Variants in DIS3L2 observed in about 807,000 individuals in gnomAD.
The protein encoded by DIS3L2 is DIS3 like 3'-5' exoribonuclease 2, also known as DIS3-like exonuclease 2.
DIS3L2 carries 34 observed loss-of-function variants against 97.5 expected under a neutral mutation model. That is an observed-to-expected ratio of 0.35 (90% CI 0.27 to 0.46). DIS3L2 has a LOEUF of 0.46. Among genes scored for constraint, DIS3L2 ranks in the 20% least tolerant of loss-of-function variants. The pLI is 1.00. For synonymous variants in DIS3L2, 435 were observed against 445.2 expected (o/e 0.98, Z 0.29); for missense variants, 1,038 against 1,146.0 (o/e 0.91, Z 1.36).
chr2:232,225,477 A>C (rs1053948249), intron 10 of DIS3L2, among the ~76,000 whole-genome samples: 7 of 152,252 alleles, frequency 4.6e-5, no homozygotes, highest in African/African-American at 1.7e-4. Flanking sequence ...AAATAGATAT[A>C]TACCATATGA....
intron 2 of DIS3L2, among the ~76,000 whole-genome samples, chr2:232,015,276 C>T (rs544673505): frequency 6.6e-6 from 1 of 152,306 alleles, no homozygotes; most frequent in South Asian, 2.1e-4. Context: ...ACTCATTATT[C>T]AGATTATGTT....
intron 10 of DIS3L2, among the ~76,000 whole-genome samples, chr2:232,228,139 T>C (rs1692696189): frequency 6.6e-6 from 1 of 152,152 alleles, no homozygotes; most frequent in Non-Finnish European, 1.5e-5. Flanking sequence ...GCTAATTTTG[T>C]GTTTTTAGTA....
At chr2:232,342,140 T>C (rs1242413669), downstream of DIS3L2, among the ~76,000 whole-genome samples, 1 of 152,030 alleles carries the variant, frequency 6.6e-6, no homozygotes, top group Non-Finnish European at 1.5e-5. Context: ...TATACACATA[T>C]ACATATATAC....
intron 12 of DIS3L2, among the ~76,000 whole-genome samples, chr2:232,254,687 G>T (rs925708557): frequency 7.9e-5 from 12 of 152,134 alleles, no homozygotes; most frequent in African/African-American, 2.9e-4. Flanking sequence ...TAAAATATGA[G>T]GGTCATAAAA....
chr2:232,313,785 G>T (rs946566848), intron 14 of DIS3L2, among the ~76,000 whole-genome samples: 1 of 152,190 alleles, frequency 6.6e-6, no homozygotes, highest in African/African-American at 2.4e-5. Flanking sequence ...GTTCCACCTG[G>T]CTGGGGAGTC....
downstream of DIS3L2, among the ~76,000 whole-genome samples, chr2:232,339,204 T>G (rs1419965177): frequency 6.6e-6 from 1 of 151,356 alleles, no homozygotes. Context: ...GAACTGGAAT[T>G]ACACAGCCTG....
At chr2:231,977,896 T>A (rs1044456427) in intron 1 of DIS3L2, among the ~76,000 whole-genome samples, 1 of 152,230 alleles carries the variant, frequency 6.6e-6, no homozygotes, top group Admixed American at 6.5e-5. Flanking sequence ...TGAGTTCTGG[T>A]CTGAAGTGAT....
downstream of DIS3L2, among the ~76,000 whole-genome samples, chr2:232,337,395 G>A (rs1343587593): frequency 2.6e-5 from 4 of 152,122 alleles, no homozygotes; most frequent in Admixed American, 1.3e-4. Context: ...TGGGTGCCCC[G>A]GCAGCACCAA....
intron 9 of DIS3L2, among the ~76,000 whole-genome samples, chr2:232,208,009 G>C (rs866475140): frequency 3.3e-5 from 5 of 151,958 alleles, no homozygotes; most frequent in African/African-American, 1.2e-4. Flanking sequence ...TCTAGCACCC[G>C]TCGATCAACC....
rs1241477676 is a variant in DIS3L2 at position 232,085,940 on chromosome 2, A to G, written c.367-1547A>G. 2.0e-5 allele frequency among the ~76,000 whole-genome samples: 3 copies of G among 152,076 alleles called. No homozygotes were observed. The East Asian group carries it at 5.8e-4, about 29-fold the overall frequency. ...TCCCACTTCAGCCTCCCAAGTAGCTAGGACTACAGGCGCCCTGCCCCCCAA... is the reference window on the plus strand; with the variant it reads ...TCCCACTTCAGCCTCCCAAGTAGCTGGGACTACAGGCGCCCTGCCCCCCAA... On this transcript the variant is annotated intron_variant, in intron 5 of 20. Coordinates refer to ENST00000325385, the MANE Select transcript of DIS3L2 (RefSeq NM_152383.5).
intron 1 of DIS3L2, among the ~76,000 whole-genome samples, chr2:232,008,950 C>A (rs751891800): frequency 7.9e-5 from 12 of 152,074 alleles, no homozygotes; most frequent in Non-Finnish European, 1.3e-4. Flanking sequence ...ATTCATCTAC[C>A]TTCAAATTTA....
At chr2:232,050,040 T>C (rs1574837582) in intron 5 of DIS3L2, among the ~76,000 whole-genome samples, 1 of 152,200 alleles carries the variant, frequency 6.6e-6, no homozygotes, top group East Asian at 1.9e-4. Flanking sequence ...TTTTCTACCC[T>C]AGCTTTCTAC....
At chr2:232,107,568 G>A (rs576135346) in intron 6 of DIS3L2, among the ~76,000 whole-genome samples, 1 of 152,044 alleles carries the variant, frequency 6.6e-6, no homozygotes, top group Non-Finnish European at 1.5e-5. Flanking sequence ...GCATGGTGGT[G>A]CATGCCTGTA....
intron 10 of DIS3L2, among the ~76,000 whole-genome samples, chr2:232,220,305 T>G (rs1692460008): frequency 6.6e-6 from 1 of 151,832 alleles, no homozygotes; most frequent in South Asian, 2.1e-4. Context: ...TGAGGCTGTC[T>G]CTAACAACAC....
chr2:232,309,979 G>A (rs761695306), intron 14 of DIS3L2, among the ~76,000 whole-genome samples: 5 of 152,216 alleles, frequency 3.3e-5, no homozygotes, highest in Non-Finnish European at 7.3e-5. Context: ...TCCTGAATAA[G>A]CAGAGGAAAT....
At chr2:232,030,533 G>T (rs1205037229) in intron 5 of DIS3L2, among the ~76,000 whole-genome samples, 1 of 152,102 alleles carries the variant, frequency 6.6e-6, no homozygotes, top group Non-Finnish European at 1.5e-5. Flanking sequence ...TGGGTGCCTT[G>T]GCAGATAAAA....
At chr2:232,115,216 G>A (rs1431059196) in intron 6 of DIS3L2, among the ~76,000 whole-genome samples, 1 of 152,014 alleles carries the variant, frequency 6.6e-6, no homozygotes, top group South Asian at 2.1e-4. Context: ...ACCATAGCAG[G>A]AAGTAAGAAG....
intron 14 of DIS3L2, among the ~76,000 whole-genome samples, chr2:232,308,880 C>T (rs931134114): frequency 3.3e-5 from 5 of 152,152 alleles, no homozygotes; most frequent in Non-Finnish European, 5.9e-5. Context: ...AACCACACTG[C>T]GGTTCTCTGT....
chr2:232,282,636 A>G (rs1346959113), intron 13 of DIS3L2, among the ~76,000 whole-genome samples: 2 of 152,320 alleles, frequency 1.3e-5, no homozygotes, highest in Non-Finnish European at 2.9e-5. Context: ...CCCTTCTCAC[A>G]TCCAGCCTTT....
Sources: gnomAD v4.1 joint callset for allele counts (sites outside exome capture counted in the v4.1 genomes callset) on GRCh38, gnomAD v4.1.1 for gene constraint, MANE v1.5 for transcripts, NCBI Gene and HGNC (gene_info 2026-07-23, HGNC 2026-07-21) for gene names.